The following CELF5 variants were observed in gnomAD, a reference collection of about 807,000 sequenced individuals.
CELF5 encodes CUGBP Elav-like family member 5.
In CELF5, 6 loss-of-function variants were observed where a neutral mutation model predicts 54.9. The ratio of observed to expected loss-of-function variants is 0.11; its 90% CI spans 0.06 to 0.22. CELF5 has a LOEUF of 0.22. Ranked by LOEUF, CELF5 falls within the 10% of genes least tolerant of loss-of-function variation. The pLI is 1.00. For missense variants in CELF5, 401 were observed against 678.6 expected (o/e 0.59, Z 4.54); for synonymous variants, 271 against 290.9 (o/e 0.93, Z 0.70).
intron 8 of CELF5, 97 bp from the exon 9 acceptor site, chr19:3,284,804 CG>C (rs2145279876): frequency 2.0e-6 from 2 of 1,016,378 alleles, no homozygotes; most frequent in Non-Finnish European, 3.1e-6. Flanking sequence ...AGAAGCTGGG[CG>C]GGGTGTTTGT....
chr19:3,273,602 G>A (rs1252273674), intron 2 of CELF5, among the ~76,000 whole-genome samples: 1 of 152,214 alleles, frequency 6.6e-6, no homozygotes, highest in Non-Finnish European at 1.5e-5. Context: ...AGGGACTGGA[G>A]GAATTGGGCC....
chr19:3,280,236 C>T (rs1210065523), intron 5 of CELF5, among the ~76,000 whole-genome samples: 1 of 152,064 alleles, frequency 6.6e-6, no homozygotes, highest in African/African-American at 2.4e-5. Flanking sequence ...GTCCGCTGTC[C>T]ACTGGGTGGA....
At chr19:3,280,939 A>C (rs1310777782) in intron 5 of CELF5, among the ~76,000 whole-genome samples, 1 of 152,096 alleles carries the variant, frequency 6.6e-6, no homozygotes, top group Non-Finnish European at 1.5e-5. Flanking sequence ...GCTGACAGTC[A>C]GGGCCCCCAC....
intron 1 of CELF5, chr19:3,225,610 G>C: frequency 1.0e-6 from 1 of 983,362 alleles, no homozygotes; most frequent in Non-Finnish European, 1.2e-6. Flanking sequence ...CAGGACCCCA[G>C]GCTAATCGGT....
At chr19:3,269,753 C>T (rs1471393704) in intron 2 of CELF5, among the ~76,000 whole-genome samples, 1 of 152,144 alleles carries the variant, frequency 6.6e-6, no homozygotes, top group East Asian at 1.9e-4. Flanking sequence ...CTTAGGACAC[C>T]TCTCCCTTCC....
chr19:3,241,218 C>A (rs1049222167), intron 1 of CELF5, among the ~76,000 whole-genome samples: 2 of 151,572 alleles, frequency 1.3e-5, no homozygotes, highest in African/African-American at 2.4e-5. Context: ...CGAACCACCA[C>A]GCACAAGCCA....
At chr19:3,241,486 C>A (rs1036804793) in intron 1 of CELF5, among the ~76,000 whole-genome samples, 1 of 152,092 alleles carries the variant, frequency 6.6e-6, no homozygotes, top group African/African-American at 2.4e-5. Context: ...TGTCTACCCC[C>A]TCCAGAACCC....
rs758992111 is a variant in CELF5 at position 3,228,615 on chromosome 19, T to TGG, written c.259+3626_259+3627dup. On this transcript the variant is annotated intron_variant, in intron 1 of 12. Transcript: ENST00000292672. This position sits in a 1 kb window ranked among gnomAD's most constrained non-coding sequence, Gnocchi z 6.0. ...AGGTTGCGCTGGGGGACGGTGCAGG[T>TGG]GGGGGGGGGGCCCGGCGGGGGCCCG... 9.3e-5 allele frequency among the ~76,000 whole-genome samples: 3 copies of TGG among 32,284 alleles called. No individual in the cohort carries two copies. The highest frequency in any genetic ancestry group is 3.6e-4 in the African/African-American group (3 of 8,398). The allele number at this position is 32,284 out of a possible 152,430, so 21.2% of individuals were successfully genotyped here. A position where few individuals can be genotyped will look rare whatever the true frequency, so the allele number is the denominator to read the frequency against.
chr19:3,244,657 A>G (rs364468), intron 1 of CELF5, among the ~76,000 whole-genome samples: 2 of 124,486 alleles, frequency 1.6e-5, no homozygotes, highest in African/African-American at 6.3e-5. Flanking sequence ...ATCTGTGTGC[A>G]TAGTGTGTGT....
At position 3,275,954 on chromosome 19, in the gene CELF5, G is replaced by A; in HGVS notation, c.493G>A (p.Val165Met). 6.2e-7 allele frequency: 1 copy of A among 1,610,838 alleles called. No individual in the cohort carries two copies. Among genetic ancestry groups the A allele is most frequent in the Non-Finnish European group, 8.5e-7 (1 of 1,179,132 alleles). ...QPFGVIDECT[V>M]LRGPDGSSKG... Reference sequence around the variant, plus strand: ...CTTCGGGGTCATTGACGAGTGCACCGTGCTCCGGGGGCCTGACGGCAGCAG... The same window carrying A: ...CTTCGGGGTCATTGACGAGTGCACCATGCTCCGGGGGCCTGACGGCAGCAG... Residue 165 changes from valine (V) to methionine (M), a missense_variant, in exon 4 of 13, where the codon GTG (valine) becomes ATG (methionine). Coordinates refer to ENST00000292672, the MANE Select transcript of CELF5 (RefSeq NM_021938.4). This position sits in a 1 kb window ranked among gnomAD's most constrained non-coding sequence, Gnocchi z 6.7.
At chr19:3,290,498 C>T (rs2080325430) in intron 11 of CELF5, 124 bp downstream of exon 11, 4 of 1,088,494 alleles carry the variant, frequency 3.7e-6, no homozygotes, top group Non-Finnish European at 4.1e-6. Context: ...TCAGAACCAG[C>T]CTGTGGCCGG....
At chr19:3,249,472 G>A (rs2079617138) in intron 1 of CELF5, among the ~76,000 whole-genome samples, 2 of 152,056 alleles carry the variant, frequency 1.3e-5, no homozygotes, top group Non-Finnish European at 2.9e-5. Flanking sequence ...CTCACTCTGG[G>A]CCACCAGAGG....
chr19:3,251,416 C>CCATGCCTG (rs1201244748), intron 2 of CELF5, among the ~76,000 whole-genome samples: 1 of 151,898 alleles, frequency 6.6e-6, no homozygotes. Context: ...CGGGGGAGGA[C>CCATGCCTG]CATGCCTGAC....
At chr19:3,267,444 A>T (rs1456406595) in intron 2 of CELF5, among the ~76,000 whole-genome samples, 5 of 152,216 alleles carry the variant, frequency 3.3e-5, no homozygotes, top group African/African-American at 1.2e-4. Flanking sequence ...TGAGGCTCAG[A>T]TTCCAGGGGA....
At chr19:3,276,714 GCGT>G (rs2080060808) in intron 4 of CELF5, among the ~76,000 whole-genome samples, 3 of 150,414 alleles carry the variant, frequency 2.0e-5, no homozygotes, top group Non-Finnish European at 3.0e-5. Context: ...AGATGCAGAG[GCGT>G]GGCCTTGGGG....
intron 2 of CELF5, among the ~76,000 whole-genome samples, chr19:3,256,576 A>ATT (rs1372838200): frequency 7.5e-6 from 1 of 132,934 alleles, no homozygotes; most frequent in African/African-American, 2.8e-5. Context: ...TATTATTATT[A>ATT]ATTTTTTTTT....
chr19:3,296,055 G>A (rs2080437041), intron 12 of CELF5: 1 of 94,894 alleles, frequency 1.1e-5, no homozygotes, highest in South Asian at 2.9e-4. Context: ...TACCTCTACA[G>A]AGATTTTTTT....
intron 12 of CELF5, 86 bp from the exon 13 acceptor site, chr19:3,296,672 G>C (rs1217994327): frequency 1.3e-5 from 2 of 152,180 alleles, no homozygotes; most frequent in Non-Finnish European, 2.9e-5. Context: ...GGCCTGCTTG[G>C]GAGTGTGTGC....
intron 1 of CELF5, among the ~76,000 whole-genome samples, chr19:3,248,508 T>C (rs1304223898): frequency 6.6e-6 from 1 of 152,164 alleles, no homozygotes; most frequent in Non-Finnish European, 1.5e-5. Context: ...AGCATGGTGT[T>C]CTCAAGGTTC....
Sources: allele counts gnomAD v4.1 joint callset (sites outside exome capture counted in the v4.1 genomes callset), GRCh38; gene constraint gnomAD v4.1.1; non-coding constraint Gnocchi (gnomAD v3.1); transcripts MANE v1.5; gene names NCBI Gene and HGNC (gene_info 2026-07-23, HGNC 2026-07-21).